Variants in FMN1 observed in about 807,000 individuals in gnomAD.
The protein encoded by FMN1 is formin-1.
In FMN1, 110 loss-of-function variants were observed where a neutral mutation model predicts 132.4. The ratio of observed to expected loss-of-function variants is 0.83; its 90% CI spans 0.71 to 0.97. FMN1 has a LOEUF of 0.97. Ranked by LOEUF, FMN1 falls within the 50% of genes least tolerant of loss-of-function variation. FMN1 has a pLI of 0.00. For missense variants in FMN1, 1,792 were observed against 1,705.3 expected (o/e 1.05, Z -0.90); for synonymous variants, 722 against 651.7 (o/e 1.11, Z -1.64).
rs114877866 is a variant in FMN1 at position 32,811,216 on chromosome 15, C to T, written c.3929-6884G>A. 1,653 of 389,484 alleles carry T rather than the reference C, an allele frequency of 4.2e-3. 32 individuals are homozygous for T. Among genetic ancestry groups the T allele is most frequent in the African/African-American group, 0.031 (1,494 of 47,886 alleles). 24.1% of individuals were successfully genotyped at this position (389,484 alleles called of 1,614,324 possible). On this transcript the variant is annotated intron_variant, in intron 17 of 20. Coordinates refer to ENST00000616417, the MANE Select transcript of FMN1 (RefSeq NM_001277313.2). Reference sequence around the variant, plus strand: ...TTCTGGTATGCTTGCCCATGGAGGACGATATCCTTGCTGGTCTTCCTAAGT... The same window carrying T: ...TTCTGGTATGCTTGCCCATGGAGGATGATATCCTTGCTGGTCTTCCTAAGT...
At chr15:32,947,042 G>A (rs1477278260) in intron 9 of FMN1, among the ~76,000 whole-genome samples, 1 of 152,086 alleles carries the variant, frequency 6.6e-6, no homozygotes, top group East Asian at 1.9e-4. Context: ...AAGAGTTCAT[G>A]TCAATGATTT....
chr15:32,942,854 G>C (rs2061429269), intron 9 of FMN1, among the ~76,000 whole-genome samples: 1 of 152,152 alleles, frequency 6.6e-6, no homozygotes, highest in Non-Finnish European at 1.5e-5. Context: ...AGGGAACTAA[G>C]GGCATGTGAA....
chr15:33,098,939 T>A (rs2039187741), intron 4 of FMN1, among the ~76,000 whole-genome samples: 1 of 152,066 alleles, frequency 6.6e-6, no homozygotes, highest in Non-Finnish European at 1.5e-5. Context: ...CCCTTCAATC[T>A]CCACACAATC....
intron 7 of FMN1, among the ~76,000 whole-genome samples, chr15:32,989,080 C>G (rs2033268149): frequency 6.6e-6 from 1 of 151,980 alleles, no homozygotes; most frequent in Non-Finnish European, 1.5e-5. Flanking sequence ...TTTCCTTTGT[C>G]TCTGAGTTTG....
intron 6 of FMN1, chr15:33,012,096 T>C (rs2034760558): frequency 5.0e-6 from 2 of 400,016 alleles, no homozygotes. Context: ...AAAGGAAGCA[T>C]TGTCTCTCTT....
At chr15:33,171,976 A>C (rs534254752) in intron 3 of FMN1, among the ~76,000 whole-genome samples, 1 of 152,146 alleles carries the variant, frequency 6.6e-6, no homozygotes, top group Non-Finnish European at 1.5e-5. Flanking sequence ...TTGGGAGGCC[A>C]AGGCGGGTGG....
chr15:32,910,826 A>T (rs1408608366), intron 10 of FMN1, among the ~76,000 whole-genome samples: 1 of 152,242 alleles, frequency 6.6e-6, no homozygotes, highest in Non-Finnish European at 1.5e-5. Flanking sequence ...CTTTAAAACT[A>T]AATCAGTTTG....
chr15:32,802,949 G>T (rs2057530022), intron 18 of FMN1, among the ~76,000 whole-genome samples: 1 of 152,126 alleles, frequency 6.6e-6, no homozygotes, highest in Non-Finnish European at 1.5e-5. Flanking sequence ...CACGATTTGA[G>T]AATATGTCTG....
chr15:33,139,779 A>C (rs1431205251), intron 4 of FMN1, among the ~76,000 whole-genome samples: 1 of 152,210 alleles, frequency 6.6e-6, no homozygotes, highest in Non-Finnish European at 1.5e-5. Context: ...AGTACTTCAG[A>C]TGGAACCTCA....
At chr15:33,018,796 TG>T (rs1489946934) in intron 6 of FMN1, among the ~76,000 whole-genome samples, 1 of 152,182 alleles carries the variant, frequency 6.6e-6, no homozygotes. Flanking sequence ...GGTGGGCTGG[TG>T]GTCTCGCTGG....
At chr15:32,851,702 T>C (rs1003489539) in intron 17 of FMN1, among the ~76,000 whole-genome samples, 1 of 152,158 alleles carries the variant, frequency 6.6e-6, no homozygotes, top group African/African-American at 2.4e-5. Context: ...AATAACACTA[T>C]ATAAGGACAT....
Position 33,153,051 on chromosome 15 carries a change from G to GA in FMN1, c.1863dup (p.Pro622SerfsTer6), listed in dbSNP as rs1426021266. On this transcript the variant is annotated frameshift_variant, in exon 4 of 21. Coordinates refer to ENST00000616417, the MANE Select transcript of FMN1 (RefSeq NM_001277313.2). LOFTEE classifies it high-confidence loss of function. ...AGCATCTTAAACAGAGACTAACCTGGAGGTGACTGGTGCTGGGGCTCAGCT... is the reference window on the plus strand; with the variant it reads ...AGCATCTTAAACAGAGACTAACCTGGAAGGTGACTGGTGCTGGGGCTCAGCT... 1.3e-6 allele frequency: 2 copies of GA among 1,518,614 alleles called. No individual in the cohort carries two copies. The highest frequency in any genetic ancestry group is 1.8e-6 in the Non-Finnish European group (2 of 1,139,866). 94.1% of individuals were successfully genotyped at this position (1,518,614 alleles called of 1,614,324 possible).
chr15:32,827,805 C>T (rs1446735667), intron 17 of FMN1, among the ~76,000 whole-genome samples: 1 of 151,366 alleles, frequency 6.6e-6, no homozygotes, highest in East Asian at 1.9e-4. Flanking sequence ...GATTGCGCCA[C>T]TGCACTCCAG....
chr15:32,912,884 T>C (rs576089574), intron 10 of FMN1, among the ~76,000 whole-genome samples: 5 of 152,330 alleles, frequency 3.3e-5, no homozygotes, highest in Non-Finnish European at 7.4e-5. Context: ...AGGTAAGATA[T>C]ATGCTTAGCA....
intron 9 of FMN1, among the ~76,000 whole-genome samples, chr15:32,957,594 AAT>A (rs1454106870): frequency 1.3e-5 from 2 of 152,128 alleles, no homozygotes; most frequent in African/African-American, 4.8e-5. Flanking sequence ...CCCATTTGCA[AAT>A]AGTTTTAGGA....
At chr15:32,823,087 C>T (rs370296338) in intron 17 of FMN1, among the ~76,000 whole-genome samples, 28 of 151,330 alleles carry the variant, frequency 1.9e-4, no homozygotes, top group South Asian at 4.2e-4. Context: ...CAAGGCACTG[C>T]GCCCTTTCTC....
At chr15:33,071,281 C>A (rs891364340) in intron 5 of FMN1, among the ~76,000 whole-genome samples, 1 of 152,120 alleles carries the variant, frequency 6.6e-6, no homozygotes, top group Non-Finnish European at 1.5e-5. Flanking sequence ...AAAAATCAAG[C>A]AAAAATTCCA....
chr15:33,049,971 TTTTTC>T (rs759142071), intron 6 of FMN1, among the ~76,000 whole-genome samples: 2 of 152,234 alleles, frequency 1.3e-5, no homozygotes, highest in Non-Finnish European at 2.9e-5. Flanking sequence ...CAGCTGAAGT[TTTTTC>T]TTTTAACACA....
At chr15:32,997,321 C>CT (rs113292190) in intron 7 of FMN1, among the ~76,000 whole-genome samples, 15,595 of 142,936 alleles carry the variant, frequency 0.11, 1,179 homozygotes, top group African/African-American at 0.22. Context: ...ATATCACCGT[C>CT]TTTTTTTTTT....
Sources: allele counts gnomAD v4.1 joint callset (sites outside exome capture counted in the v4.1 genomes callset), GRCh38; gene constraint gnomAD v4.1.1; transcripts MANE v1.5; gene names NCBI Gene and HGNC (gene_info 2026-07-23, HGNC 2026-07-21).